Variants in NTNG1 observed in about 807,000 individuals in gnomAD.
NTNG1 encodes netrin-G1.
In NTNG1, 16 loss-of-function variants were observed where a neutral mutation model predicts 54.0. The observed-to-expected ratio is 0.30, with a 90% CI of 0.20 to 0.45. NTNG1 has a LOEUF of 0.45. Ranked by LOEUF, NTNG1 falls within the 20% of genes least tolerant of loss-of-function variation. The pLI, the probability that NTNG1 is intolerant of heterozygous loss-of-function variation, is 1.00. For missense variants in NTNG1, 530 were observed against 678.7 expected (o/e 0.78, Z 2.43); for synonymous variants, 255 against 263.1 (o/e 0.97, Z 0.30).
intron 3 of NTNG1, among the ~76,000 whole-genome samples, chr1:107,342,731 A>G (rs1297445366): frequency 6.6e-6 from 1 of 152,168 alleles, no homozygotes; most frequent in South Asian, 2.1e-4. Flanking sequence ...CACTCGTAAC[A>G]CAGTCTGTGC....
At chr1:107,379,017 C>T (rs1671480926) in intron 3 of NTNG1, among the ~76,000 whole-genome samples, 1 of 152,228 alleles carries the variant, frequency 6.6e-6, no homozygotes, top group South Asian at 2.1e-4. Flanking sequence ...AATACATTAT[C>T]TAATGGCATA....
chr1:107,333,575 A>G (rs1019789755), intron 3 of NTNG1, among the ~76,000 whole-genome samples: 5 of 151,836 alleles, frequency 3.3e-5, no homozygotes, highest in African/African-American at 1.2e-4. Context: ...TATTCGCAGA[A>G]CTCTTTAAGC....
chr1:107,165,668 A>C (rs1655739208), intron 2 of NTNG1, among the ~76,000 whole-genome samples: 1 of 152,192 alleles, frequency 6.6e-6, no homozygotes, highest in South Asian at 2.1e-4. Flanking sequence ...CTAAGCATGG[A>C]ATGAAGAATC....
chr1:107,462,437 A>C (rs1472664863), intron 7 of NTNG1, among the ~76,000 whole-genome samples: 1 of 152,170 alleles, frequency 6.6e-6, no homozygotes, highest in Non-Finnish European at 1.5e-5. Flanking sequence ...CTTTCCTTGT[A>C]AGATTGTTAA....
chr1:107,213,883 T>C (rs12122117), intron 2 of NTNG1, among the ~76,000 whole-genome samples: 6,796 of 152,248 alleles, frequency 0.045, 155 homozygotes, highest in Non-Finnish European at 0.052. Context: ...TTTAGATTAA[T>C]ATATATTTGT....
chr1:107,269,026 T>A (rs1178970150), intron 2 of NTNG1, among the ~76,000 whole-genome samples: 1 of 152,080 alleles, frequency 6.6e-6, no homozygotes, highest in Admixed American at 6.5e-5. Context: ...TCAGTACAAA[T>A]TTTTTTTAAT....
At chr1:107,468,512 G>A (rs748375384) in intron 7 of NTNG1, among the ~76,000 whole-genome samples, 6 of 152,170 alleles carry the variant, frequency 3.9e-5, no homozygotes, top group Admixed American at 6.5e-5. Flanking sequence ...ACTGTATGGG[G>A]TTGGAAAGAT....
At chr1:107,364,662 A>G (rs982859368) in intron 3 of NTNG1, among the ~76,000 whole-genome samples, 1 of 152,186 alleles carries the variant, frequency 6.6e-6, no homozygotes, top group Non-Finnish European at 1.5e-5. Flanking sequence ...AAGCATCTCC[A>G]TCATTTTTTT....
At chr1:107,289,500 G>T (rs1346319687) in intron 2 of NTNG1, among the ~76,000 whole-genome samples, 1 of 152,084 alleles carries the variant, frequency 6.6e-6, no homozygotes, top group Non-Finnish European at 1.5e-5. Flanking sequence ...TCTCTGCTTG[G>T]AATGTCATTC....
intron 2 of NTNG1, among the ~76,000 whole-genome samples, chr1:107,281,091 A>G (rs1664828605): frequency 2.0e-5 from 3 of 152,028 alleles, no homozygotes; most frequent in Non-Finnish European, 1.5e-5. Flanking sequence ...TACCTTCTCA[A>G]CAGTCCTCTT....
chr1:107,331,476 G>A, intron 3 of NTNG1, among the ~76,000 whole-genome samples: 1 of 151,968 alleles, frequency 6.6e-6, no homozygotes, highest in East Asian at 1.9e-4. Context: ...GTTAAGTCTA[G>A]GTGTTTTACT....
intron 3 of NTNG1, among the ~76,000 whole-genome samples, chr1:107,388,649 G>A (rs906198537): frequency 6.6e-6 from 1 of 152,200 alleles, no homozygotes; most frequent in African/African-American, 2.4e-5. Flanking sequence ...TTGTTGATTT[G>A]TTAAGTTACT....
chr1:107,314,083 C>G (rs151167573), intron 2 of NTNG1, among the ~76,000 whole-genome samples: 3,487 of 152,138 alleles, frequency 0.023, 99 homozygotes, highest in African/African-American at 0.071. Context: ...CTCAGGTGAC[C>G]TCGAATCCTC....
At chr1:107,220,812 A>C (rs553912175) in intron 2 of NTNG1, among the ~76,000 whole-genome samples, 142 of 152,346 alleles carry the variant, frequency 9.3e-4, no homozygotes, top group Non-Finnish European at 1.7e-3. Flanking sequence ...ATCAGGCACT[A>C]TACCCTTCCT....
chr1:107,355,659 G>A (rs754956455), intron 3 of NTNG1, among the ~76,000 whole-genome samples: 4 of 152,166 alleles, frequency 2.6e-5, no homozygotes, highest in Non-Finnish European at 5.9e-5. Context: ...TACAGGAAGT[G>A]TGGATGTCTC....
upstream of NTNG1, chr1:107,140,200 G>A (rs1052271143): frequency 2.0e-5 from 3 of 152,754 alleles, no homozygotes; most frequent in Admixed American, 2.0e-4. Flanking sequence ...AGGTCTCGAG[G>A]TAGTATAAGG....
intron 1 of NTNG1, among the ~76,000 whole-genome samples, chr1:107,147,308 T>G (rs556340781): frequency 4.5e-4 from 68 of 152,278 alleles, no homozygotes; most frequent in African/African-American, 1.5e-3. Context: ...CTACAGAGCT[T>G]TTAGTTTTAA....
chr1:107,219,138 A>ATTTTTTT (rs1557819886), intron 2 of NTNG1, among the ~76,000 whole-genome samples: 1 of 149,488 alleles, frequency 6.7e-6, no homozygotes, highest in African/African-American at 2.5e-5. Flanking sequence ...TCTTTAATAG[A>ATTTTTTT]TCAGGTTAAT....
At chr1:107,478,117 G>A (rs2101609774) in intron 7 of NTNG1, among the ~76,000 whole-genome samples, 1 of 152,320 alleles carries the variant, frequency 6.6e-6, no homozygotes, top group African/African-American at 2.4e-5. Flanking sequence ...GATGGAGCAT[G>A]ATTATGAATA....
Sources: allele counts gnomAD v4.1 joint callset (sites outside exome capture counted in the v4.1 genomes callset), GRCh38; gene constraint gnomAD v4.1.1; transcripts MANE v1.5; gene names NCBI Gene and HGNC (gene_info 2026-07-23, HGNC 2026-07-21).